Variants in GBX1 observed in about 807,000 individuals in gnomAD.
GBX1 encodes the protein gastrulation brain homeobox 1.
Under a neutral mutation model 22.9 loss-of-function variants are expected in GBX1, and 9 were observed. That is an observed-to-expected ratio of 0.39 (90% confidence interval 0.24 to 0.69). The LOEUF (loss-of-function observed/expected upper bound fraction) is 0.69, where lower values mean the gene tolerates loss of function less well. Ranked by LOEUF, GBX1 falls within the 30% of genes least tolerant of loss-of-function variation. GBX1 has a pLI of 0.43. For missense variants in GBX1, 494 were observed against 509.2 expected, an observed-to-expected ratio of 0.97 and a Z score of 0.29; for synonymous variants, 203 against 227.3, an observed-to-expected ratio of 0.89 and a Z score of 0.96.
Position 151,167,383 on chromosome 7 carries a change from C to T in GBX1, c.166G>A (p.Val56Met). 8 of 1,511,260 alleles carry T rather than the reference C, an allele frequency of 5.3e-6. No individual in the cohort carries two copies. The highest frequency in any genetic ancestry group is 6.2e-6 in the Non-Finnish European group (7 of 1,132,036). The allele number at this position is 1,511,260 out of a possible 1,614,324, so 93.6% of individuals were successfully genotyped here. The change falls in exon 1 of 2, where the codon GTG becomes ATG. Residue 56 changes from valine (V) to methionine (M), a missense_variant. Val to Met is a conservative substitution (Grantham distance 21). Coordinates refer to ENST00000297537, the MANE Select transcript of GBX1 (RefSeq NM_001098834.3). This position sits in a 1 kb window ranked among gnomAD's most constrained non-coding sequence, Gnocchi z 5.9. ...YPMFMPYRPL[V>M]LPQALAPAPL... Reference sequence around the variant, plus strand: ...GCAGGGGCCAGCGCCTGCGGCAGCACGAGCGGCCGGTAGGGCATGAACATG... The same window carrying T: ...GCAGGGGCCAGCGCCTGCGGCAGCATGAGCGGCCGGTAGGGCATGAACATG...
rs1447986593 is a variant in GBX1, at chr7:151,149,136, C to T, written c.545G>A (p.Gly182Glu). 3.1e-6 allele frequency: 5 copies of T among 1,603,804 alleles called. No homozygotes were observed. The highest frequency in any genetic ancestry group is 1.3e-5 in the African/African-American group (1 of 74,838). The change falls in exon 2 of 2, where the codon GGG becomes GAG. Residue 182 changes from glycine (G) to glutamate (E), a missense_variant. Transcript: ENST00000297537. ...CTCCTCATCTGAGCTGTACACCTTC[C>T]CCTCTGCTGTGAGGAGCAAGAAGCC... ...SETFPSLPAE[G>E]KVYSSDEEKL...
At chr7:151,152,641 G>A (rs1372201843) in intron 1 of GBX1, among the ~76,000 whole-genome samples, 1 of 152,158 alleles carries the variant, frequency 6.6e-6, no homozygotes, top group Admixed American at 6.5e-5. Flanking sequence ...CAAGCACCCA[G>A]GGGGTGTCCA....
rs551474081 is a variant in GBX1, at chr7:151,156,229, C to CA, written c.539-7088dup. ...TGAAACCCTGTCTCTACTAAAAATA[C>CA]AAAAAAAATTAGCTGGGCACATTGG... On this transcript the variant is annotated intron_variant, in intron 1 of 1. Coordinates refer to ENST00000297537, the MANE Select transcript of GBX1 (RefSeq NM_001098834.3). Among the ~76,000 whole-genome samples, 10 of 150,368 alleles carry CA rather than the reference C, an allele frequency of 6.7e-5. No individual in the cohort carries two copies. In the South Asian group the frequency reaches 8.4e-4, roughly 13 times the overall value.
intron 1 of GBX1, among the ~76,000 whole-genome samples, chr7:151,158,463 GT>G (rs529537403): frequency 1.0e-4 from 15 of 143,868 alleles, no homozygotes; most frequent in South Asian, 6.6e-4. Flanking sequence ...TTTTGTTTTT[GT>G]TTTTTTTTTA....
chr7:151,165,381 T>G (rs558074804), intron 1 of GBX1, among the ~76,000 whole-genome samples: 3 of 152,126 alleles, frequency 2.0e-5, no homozygotes, highest in Non-Finnish European at 4.4e-5. Context: ...GGATCCCCCC[T>G]CCATCCTCTC....
At position 151,148,357 on chromosome 7, in the gene GBX1, A is replaced by C. The variant is rs1480723392; in HGVS notation, c.*232T>G. ...TCAGCAATAGAACCCCAGCCCCTTT[A>C]ACCTTGAAGCCCCTAGTCCTGAAGT... On this transcript the variant is annotated 3_prime_UTR_variant, in exon 2 of 2. Transcript: ENST00000297537. The surrounding 1 kb of genome is among the most constrained non-coding windows in gnomAD (Gnocchi z 5.1). Among the ~76,000 whole-genome samples, 2 of 152,068 alleles carry C rather than the reference A, an allele frequency of 1.3e-5. No individual in the cohort carries two copies. The highest frequency in any genetic ancestry group is 2.9e-5 in the Non-Finnish European group (2 of 68,018).
At chr7:151,150,336 G>A (rs889793080) in intron 1 of GBX1, among the ~76,000 whole-genome samples, 15 of 152,196 alleles carry the variant, frequency 9.9e-5, no homozygotes, top group African/African-American at 2.9e-4. Context: ...CAATAGGCAG[G>A]AGAACAAGAG....
rs1801272610 is a variant in GBX1, at chr7:151,167,444, C to T, written c.105G>A (p.Pro35=). The T allele has an allele frequency of 6.6e-7, 1 of 1,516,030 alleles. No individual in the cohort carries two copies. The highest frequency in any genetic ancestry group is 8.8e-7 in the Non-Finnish European group (1 of 1,134,822). The allele number at this position is 1,516,030 out of a possible 1,614,324, so 93.9% of individuals were successfully genotyped here. The part of the protein sequence containing the change: ...FSIDSLIGPP[P]PRSGHLLYTG... ...TGTACAGCAAGTGGCCGGAGCGCGG[C>T]GGCGGCGGCCCGATTAGGGAGTCGA... The change falls in exon 1 of 2, where the codon CCG becomes CCA. Residue 35 remains proline (P), a synonymous_variant. Transcript: ENST00000297537. The surrounding 1 kb of genome is among the most constrained non-coding windows in gnomAD (Gnocchi z 5.9).
intron 1 of GBX1, among the ~76,000 whole-genome samples, chr7:151,159,084 AAT>A (rs1491402371): frequency 2.4e-5 from 3 of 127,408 alleles, no homozygotes; most frequent in Admixed American, 7.6e-5. Flanking sequence ...AAAGTGTCTG[AAT>A]TTTTTTTTTT....
Position 151,167,276 on chromosome 7 carries a change from C to T in GBX1, c.273G>A (p.Leu91=). The stretch of plus-strand genomic sequence containing the variant: ...CCACCATCGAGGGCACAGCCTGACC[C>T]AGCCCCGCGCAGAAGGTGTTGGTAA... The part of the protein sequence containing the change: ...GRLTNTFCAG[L]GQAVPSMVAL... Residue 91 remains leucine (L), a synonymous_variant, in exon 1 of 2, where the codon CTG becomes CTA. Coordinates refer to ENST00000297537, the MANE Select transcript of GBX1 (RefSeq NM_001098834.3). The surrounding 1 kb of genome is among the most constrained non-coding windows in gnomAD (Gnocchi z 5.9). The T allele has an allele frequency of 6.5e-7, 1 of 1,537,566 alleles. No homozygotes were observed. Among genetic ancestry groups the T allele is most frequent in the Non-Finnish European group, 8.7e-7 (1 of 1,145,094 alleles).
At chr7:151,153,107 T>C (rs188606332) in intron 1 of GBX1, among the ~76,000 whole-genome samples, 1 of 151,368 alleles carries the variant, frequency 6.6e-6, no homozygotes, top group Non-Finnish European at 1.5e-5. Context: ...GGTAGAGAAA[T>C]AGCAGAAAAA....
intron 1 of GBX1, among the ~76,000 whole-genome samples, chr7:151,149,516 T>A (rs1038771287): frequency 1.5e-4 from 22 of 150,166 alleles, no homozygotes; most frequent in Admixed American, 5.3e-4. Flanking sequence ...GGGCCCAGCA[T>A]CGCAGTGATA....
chr7:151,149,973 C>G (rs966853935), intron 1 of GBX1: 8 of 455,884 alleles, frequency 1.8e-5, no homozygotes, highest in Non-Finnish European at 2.6e-5. Context: ...CTGTTTTCTG[C>G]TCAAGTTCAG....
At chr7:151,149,614 G>C (rs954472886) in intron 1 of GBX1, among the ~76,000 whole-genome samples, 1 of 152,136 alleles carries the variant, frequency 6.6e-6, no homozygotes, top group African/African-American at 2.4e-5. Context: ...TGGAGCCACT[G>C]GGGGGAGGAG....
chr7:151,155,778 T>C (rs1033090110), intron 1 of GBX1, among the ~76,000 whole-genome samples: 3 of 152,152 alleles, frequency 2.0e-5, no homozygotes, highest in Non-Finnish European at 4.4e-5. Flanking sequence ...ACATTTACTA[T>C]CTTATCTTCA....
chr7:151,159,085 A>ATTT (rs34407378), intron 1 of GBX1, among the ~76,000 whole-genome samples: 1 of 140,836 alleles, frequency 7.1e-6, no homozygotes, highest in Non-Finnish European at 1.5e-5. Flanking sequence ...AAGTGTCTGA[A>ATTT]TTTTTTTTTT....
rs757730923 is a variant in GBX1 at position 151,167,259 on chromosome 7, G to A, written c.290C>T (p.Ser97Leu). The change falls in exon 1 of 2, where the codon TCG becomes TTG. Residue 97 changes from serine (S) to leucine (L), a missense_variant. Physicochemically the swap from Ser to Leu is moderately radical, Grantham distance 145. Around this residue, in one of 3 missense-constraint regions of GBX1, gnomAD observed 365 missense variants for 340.4 expected, o/e 1.07. Coordinates refer to ENST00000297537, the MANE Select transcript of GBX1 (RefSeq NM_001098834.3). This position sits in a 1 kb window ranked among gnomAD's most constrained non-coding sequence, Gnocchi z 5.9. ...CAGCGCGGTGGTCAGCGCCACCATC[G>A]AGGGCACAGCCTGACCCAGCCCCGC... is the stretch of plus-strand genomic sequence containing the variant. ...FCAGLGQAVP[S>L]MVALTTALPS... 6.4e-7 allele frequency: 1 copy of A among 1,550,544 alleles called. No homozygotes were observed.
intron 1 of GBX1, among the ~76,000 whole-genome samples, chr7:151,151,610 G>A (rs924017480): frequency 6.6e-6 from 1 of 152,098 alleles, no homozygotes; most frequent in Non-Finnish European, 1.5e-5. Flanking sequence ...CATCCTCTGT[G>A]TGTTCAAACC....
At chr7:151,158,702 C>G (rs901675968) in intron 1 of GBX1, among the ~76,000 whole-genome samples, 1 of 152,098 alleles carries the variant, frequency 6.6e-6, no homozygotes, top group Non-Finnish European at 1.5e-5. Flanking sequence ...TCATCACTCC[C>G]AGAAATATTT....
Sources: gnomAD v4.1 joint callset for allele counts (sites outside exome capture counted in the v4.1 genomes callset) on GRCh38, gnomAD v4.1.1 for gene constraint, gnomAD v4.1.1 regional missense constraint, Gnocchi (gnomAD v3.1) non-coding constraint, MANE v1.5 for transcripts, NCBI Gene and HGNC (gene_info 2026-07-23, HGNC 2026-07-21) for gene names.